Variants in ANO2 observed in about 807,000 individuals in gnomAD.
ANO2 encodes anoctamin 2.
In ANO2, 101 loss-of-function variants were observed where a neutral mutation model predicts 124.2. The ratio of observed to expected loss-of-function variants is 0.81; its 90% CI spans 0.69 to 0.96. ANO2 has a LOEUF of 0.96. ANO2 is among the 40% of genes least tolerant of loss of function. The pLI is 0.00. For synonymous variants in ANO2, 486 were observed against 482.5 expected, an observed-to-expected ratio of 1.01 and a Z score of -0.09; for missense variants, 1,293 against 1,274.5, an observed-to-expected ratio of 1.01 and a Z score of -0.22.
intron 3 of ANO2, among the ~76,000 whole-genome samples, chr12:5,873,196 G>GCTCGCTCTCTCTCTCT (rs1393522452): frequency 2.0e-4 from 24 of 119,054 alleles, no homozygotes; most frequent in South Asian, 2.6e-4. Flanking sequence ...GCCTAAAGCA[G>GCTCGCTCTCTCTCTCT]CTCTCTCTCT....
In ANO2 at chr12:5,731,362, TAA is replaced by T. The variant is rs34286445; in HGVS notation, c.1545+1156_1545+1157del. ...CTGTTCTGTTTAAGTTCTGTTTTCT[TAA>T]AAAAAAAAAAATGCCAGCATTTTGG... On this transcript the variant is annotated intron_variant, in intron 14 of 24. Coordinates refer to ENST00000682330, the MANE Select transcript of ANO2 (RefSeq NM_001364791.2). Among the ~76,000 whole-genome samples, 11 of 147,340 alleles carry T rather than the reference TAA, an allele frequency of 7.5e-5. No individual in the cohort carries two copies. In the East Asian group the frequency reaches 9.9e-4, roughly 13 times the overall value.
chr12:5,604,967 T>A (rs546791335), intron 19 of ANO2, among the ~76,000 whole-genome samples: 1 of 152,160 alleles, frequency 6.6e-6, no homozygotes, highest in African/African-American at 2.4e-5. Flanking sequence ...TCAGAAACTC[T>A]TTCCGGAAGG....
chr12:5,596,516 T>A (rs1439837972), intron 20 of ANO2, among the ~76,000 whole-genome samples: 3 of 152,226 alleles, frequency 2.0e-5, no homozygotes, highest in African/African-American at 7.2e-5. Context: ...TTATTCATTT[T>A]AAGGTGTGGG....
chr12:5,729,574 T>C (rs1334311429), intron 14 of ANO2, among the ~76,000 whole-genome samples: 3 of 152,096 alleles, frequency 2.0e-5, no homozygotes, highest in African/African-American at 2.4e-5. Flanking sequence ...TAAAACAATA[T>C]AGCCACTTTG....
intron 14 of ANO2, among the ~76,000 whole-genome samples, chr12:5,728,357 G>T (rs1445318122): frequency 2.0e-5 from 3 of 151,874 alleles, no homozygotes; most frequent in Non-Finnish European, 4.4e-5. Flanking sequence ...CTATATACTG[G>T]CAGTGAACAG....
At chr12:5,668,472 A>C (rs1405192707) in intron 14 of ANO2, among the ~76,000 whole-genome samples, 1 of 152,152 alleles carries the variant, frequency 6.6e-6, no homozygotes, top group African/African-American at 2.4e-5. Flanking sequence ...GATAAATTGC[A>C]AAAATTTTCT....
Position 5,862,957 on chromosome 12 carries a change from AT to A in ANO2, c.535-8817del, listed in dbSNP as rs1167769352. 1.1e-4 allele frequency among the ~76,000 whole-genome samples: 17 copies of A among 151,742 alleles called. No homozygotes were observed. Among genetic ancestry groups the A allele is most frequent in the Non-Finnish European group, 2.1e-4 (14 of 67,926 alleles). On this transcript the variant is annotated intron_variant, in intron 3 of 24. Transcript: ENST00000682330. This position sits in a 1 kb window ranked among gnomAD's most constrained non-coding sequence, Gnocchi z 4.0. ...AGGCACCCACCACCACACCCAGCTA[AT>A]TTTTTGTATTTTTTTCTTTTTTTTA...
At chr12:5,718,289 C>T (rs138758788) in intron 14 of ANO2, among the ~76,000 whole-genome samples, 9 of 152,362 alleles carry the variant, frequency 5.9e-5, no homozygotes, top group Admixed American at 3.9e-4. Context: ...AGATGTGGTG[C>T]CTCCTCAAAG....
chr12:5,568,062 T>A (rs999541935), intron 23 of ANO2, among the ~76,000 whole-genome samples: 10 of 152,124 alleles, frequency 6.6e-5, no homozygotes, highest in African/African-American at 2.4e-4. Flanking sequence ...CAAAACATAC[T>A]TTGTTGTGTG....
At chr12:5,760,889 T>C (rs1015751378) in intron 10 of ANO2, among the ~76,000 whole-genome samples, 6 of 152,128 alleles carry the variant, frequency 3.9e-5, no homozygotes, top group Admixed American at 1.3e-4. Context: ...TCTCCAGGCA[T>C]ACAGGTTACT....
intron 20 of ANO2, among the ~76,000 whole-genome samples, chr12:5,598,955 G>A (rs549176907): frequency 5.7e-5 from 5 of 87,014 alleles, no homozygotes; most frequent in Admixed American, 1.6e-4. Flanking sequence ...ACTCCCTACC[G>A]AAATAGACCC....
At chr12:5,577,515 T>C (rs1463636568) in intron 22 of ANO2, among the ~76,000 whole-genome samples, 1 of 152,126 alleles carries the variant, frequency 6.6e-6, no homozygotes, top group Non-Finnish European at 1.5e-5. Flanking sequence ...AGTGCCAGAG[T>C]CCACGGGGAT....
chr12:5,851,924 A>C (rs1400364138), intron 4 of ANO2: 1 of 739,758 alleles, frequency 1.4e-6, no homozygotes. Context: ...TGGGGGATGG[A>C]AATCATAACA....
chr12:5,802,759 C>T (rs1194188355), intron 9 of ANO2, among the ~76,000 whole-genome samples: 1 of 152,214 alleles, frequency 6.6e-6, no homozygotes, highest in Non-Finnish European at 1.5e-5. Flanking sequence ...TTCACCATGT[C>T]CTCTCTTCAC....
chr12:5,705,984 T>C (rs17785648), intron 14 of ANO2, among the ~76,000 whole-genome samples: 3,224 of 152,246 alleles, frequency 0.021, 50 homozygotes, highest in South Asian at 0.067. Flanking sequence ...GCTTAAGGGT[T>C]CAAGCTCTTT....
intron 14 of ANO2, among the ~76,000 whole-genome samples, chr12:5,664,272 T>C (rs1373024411): frequency 2.6e-5 from 4 of 152,116 alleles, no homozygotes; most frequent in Non-Finnish European, 4.4e-5. Context: ...CCCACCCATC[T>C]ACCTATCCAT....
intron 16 of ANO2, among the ~76,000 whole-genome samples, chr12:5,626,837 C>T (rs1156745655): frequency 6.6e-6 from 1 of 152,170 alleles, no homozygotes; most frequent in African/African-American, 2.4e-5. Context: ...ACCCCAATTC[C>T]CTAGTGAGGG....
intron 10 of ANO2, among the ~76,000 whole-genome samples, chr12:5,767,588 A>G (rs61909771): frequency 0.11 from 17,264 of 152,274 alleles, 1,064 homozygotes; most frequent in Admixed American, 0.18. Flanking sequence ...ATGCTTCCCA[A>G]ACTTTCTAAG....
chr12:5,792,127 A>G (rs955876015), intron 10 of ANO2, among the ~76,000 whole-genome samples: 3 of 152,188 alleles, frequency 2.0e-5, no homozygotes, highest in Non-Finnish European at 4.4e-5. Flanking sequence ...AGCTGAGAAA[A>G]CTGAGGCTCA....
Sources: gnomAD v4.1 joint callset for allele counts (sites outside exome capture counted in the v4.1 genomes callset) on GRCh38, gnomAD v4.1.1 for gene constraint, Gnocchi (gnomAD v3.1) non-coding constraint, MANE v1.5 for transcripts, NCBI Gene and HGNC (gene_info 2026-07-23, HGNC 2026-07-21) for gene names.